DSTYK: variants seen among roughly 807,000 people sequenced by gnomAD.
DSTYK encodes dual serine/threonine and tyrosine protein kinase, also known as RIP-homologous kinase.
A neutral mutation model predicts 98.7 loss-of-function variants in DSTYK; 34 were observed. The observed-to-expected ratio is 0.34, with a 90% CI of 0.26 to 0.46. The LOEUF is 0.46. DSTYK is among the 20% of genes least tolerant of loss of function. The pLI, the probability that DSTYK is intolerant of heterozygous loss-of-function variation, is 1.00. For missense variants in DSTYK, 962 were observed against 1,181.7 expected (o/e 0.81, Z 2.73); for synonymous variants, 462 against 457.3 (o/e 1.01, Z -0.13).
intron 11 of DSTYK, among the ~76,000 whole-genome samples, chr1:205,149,006 G>T (rs1036656060): frequency 4.6e-5 from 7 of 151,252 alleles, no homozygotes; most frequent in African/African-American, 1.7e-4. Context: ...GGGTTCAAGC[G>T]ATTCTCCTGC....
chr1:205,156,831 T>C (rs1014817211), intron 10 of DSTYK, among the ~76,000 whole-genome samples: 9 of 152,162 alleles, frequency 5.9e-5, no homozygotes, highest in Admixed American at 2.6e-4. Flanking sequence ...AAATCTCATC[T>C]TGAATTGTAG....
intron 3 of DSTYK, among the ~76,000 whole-genome samples, 199 bp from the exon 4 acceptor site, chr1:205,164,154 TGAG>T (rs1657817396): frequency 6.6e-6 from 1 of 152,158 alleles, no homozygotes; most frequent in Non-Finnish European, 1.5e-5. Context: ...GCTAAGATCC[TGAG>T]AAGAAGCAAT....
chr1:205,185,026 C>T (rs1204214583), intron 2 of DSTYK, among the ~76,000 whole-genome samples: 1 of 152,036 alleles, frequency 6.6e-6, no homozygotes, highest in East Asian at 1.9e-4. Context: ...CATGGCGAAA[C>T]CCCATCTCTA....
Position 205,161,312 on chromosome 1 carries a change from G to A in DSTYK, c.1894C>T (p.Arg632Cys), listed in dbSNP as rs767625627. ...WLRVRKDHAPRLARLSLESCS... is the reference protein window; with the variant it reads ...WLRVRKDHAPCLARLSLESCS... The stretch of plus-strand genomic sequence containing the variant: ...CTTTCCAGAGAAAGGCGGGCCAGGC[G>A]GGGAGCATGATCTTTCCGAACCCTC... Residue 632 changes from arginine to cysteine, a missense_variant, in exon 7 of 13, where the codon CGC becomes TGC. Arg to Cys is a radical substitution (Grantham distance 180, BLOSUM62 -3). Around this residue, in one of 4 missense-constraint regions of DSTYK, gnomAD observed 660 missense variants for 855.0 expected, o/e 0.77. Coordinates refer to ENST00000367162, the MANE Select transcript of DSTYK (RefSeq NM_015375.3). The A allele has an allele frequency of 3.2e-5, 51 of 1,613,908 alleles. No individual in the cohort carries two copies. Among genetic ancestry groups the A allele is most frequent in the Non-Finnish European group, 4.2e-5 (49 of 1,179,906 alleles).
chr1:205,190,615 CAA>C (rs760042971), intron 1 of DSTYK, among the ~76,000 whole-genome samples: 2 of 71,908 alleles, frequency 2.8e-5, no homozygotes, highest in Non-Finnish European at 4.9e-5. Context: ...GACTCCATCT[CAA>C]AAAAAAAAAA....
At chr1:205,152,225 TG>T (rs1400828357) in intron 10 of DSTYK, among the ~76,000 whole-genome samples, 1 of 152,246 alleles carries the variant, frequency 6.6e-6, no homozygotes, top group Non-Finnish European at 1.5e-5. Flanking sequence ...TTGCCTAGGC[TG>T]GAGTGCAATG....
At chr1:205,175,855 G>T (rs1228485347) in intron 2 of DSTYK, among the ~76,000 whole-genome samples, 3 of 152,086 alleles carry the variant, frequency 2.0e-5, no homozygotes, top group Admixed American at 2.0e-4. Flanking sequence ...AACATGGAAT[G>T]AATTAATGAA....
At chr1:205,180,448 C>CT (rs947364638) in intron 2 of DSTYK, among the ~76,000 whole-genome samples, 1 of 152,062 alleles carries the variant, frequency 6.6e-6, no homozygotes, top group Admixed American at 6.6e-5. Context: ...TGAACTCATT[C>CT]TTTTTTATGG....
chr1:205,149,948 G>T (rs1307046856), intron 11 of DSTYK, among the ~76,000 whole-genome samples: 1 of 152,162 alleles, frequency 6.6e-6, no homozygotes, highest in Non-Finnish European at 1.5e-5. Flanking sequence ...TATGGAGACA[G>T]AAAGTCCTAG....
rs200440178 is a variant in DSTYK at position 205,159,087 on chromosome 1, ATT to A, written c.2238+458_2238+459del. ...AATAGGTTCTGATAAATCTTTAAAA[ATT>A]TTTTTTTTTTATTTTTAGAGATAGG... On this transcript the variant is annotated intron_variant, in intron 9 of 12. Coordinates refer to ENST00000367162, the MANE Select transcript of DSTYK (RefSeq NM_015375.3). Among the ~76,000 whole-genome samples, 1,261 of 149,920 alleles carry A rather than the reference ATT, an allele frequency of 8.4e-3. 19 individuals are homozygous for A. The highest frequency in any genetic ancestry group is 0.03 in the African/African-American group (1,209 of 40,824).
intron 11 of DSTYK, among the ~76,000 whole-genome samples, chr1:205,148,667 A>G (rs1322608207): frequency 6.6e-6 from 1 of 152,202 alleles, no homozygotes; most frequent in African/African-American, 2.4e-5. Flanking sequence ...AGTTGGAAAT[A>G]CAGGTGGGTA....
rs1424694560 is a variant in DSTYK at position 205,203,320 on chromosome 1, C to CA, written c.265+7950dup. Among the ~76,000 whole-genome samples, 942 of 132,880 alleles carry CA rather than the reference C, an allele frequency of 7.1e-3. 6 individuals carry two copies. Among genetic ancestry groups the CA allele is most frequent in the African/African-American group, 0.02 (711 of 36,092 alleles). The allele number at this position is 132,880 out of a possible 152,430, so 87.2% of individuals were successfully genotyped here. A position where few individuals can be genotyped will look rare whatever the true frequency, so the allele number is the denominator to read the frequency against. ...CAAAACGGTGAAACCCCGTCTCTAC[C>CA]AAAAAAAAAAAATAGCCAGGTGTGG... On this transcript the variant is annotated intron_variant, in intron 1 of 12. Coordinates refer to ENST00000367162, the MANE Select transcript of DSTYK (RefSeq NM_015375.3).
intron 9 of DSTYK, among the ~76,000 whole-genome samples, chr1:205,157,755 C>CT (rs1165492870): frequency 1.6e-5 from 2 of 123,340 alleles, no homozygotes; most frequent in African/African-American, 5.5e-5. Flanking sequence ...GAGCAAGACT[C>CT]TGTCTCAAAA....
intron 3 of DSTYK, among the ~76,000 whole-genome samples, chr1:205,168,009 G>C (rs1657939340): frequency 6.6e-6 from 1 of 152,330 alleles, no homozygotes; most frequent in South Asian, 2.1e-4. Flanking sequence ...GGGAGGCTGA[G>C]GCAGGGGAAT....
intron 1 of DSTYK, among the ~76,000 whole-genome samples, chr1:205,203,209 A>T (rs541756465): frequency 5.0e-4 from 76 of 151,794 alleles, no homozygotes; most frequent in Non-Finnish European, 1.0e-3. Context: ...CAGGATGGGC[A>T]TGGGAGCTCA....
At chr1:205,170,596 A>G (rs1207670428) in intron 2 of DSTYK, among the ~76,000 whole-genome samples, 2 of 152,178 alleles carry the variant, frequency 1.3e-5, no homozygotes, top group Non-Finnish European at 2.9e-5. Context: ...TCCTGTTCTG[A>G]GTCTGTAGAT....
chr1:205,202,836 A>T, intron 1 of DSTYK: 1 of 463,106 alleles, frequency 2.2e-6, no homozygotes, highest in South Asian at 2.6e-5. Context: ...AGCAGAGCCT[A>T]TATTAACTGA....
chr1:205,202,649 A>G (rs1659077398), intron 1 of DSTYK: 6 of 1,201,070 alleles, frequency 5.0e-6, no homozygotes, highest in Admixed American at 1.7e-5. Context: ...ACTGAAAAGG[A>G]ACAGATTGTT....
intron 9 of DSTYK, among the ~76,000 whole-genome samples, chr1:205,157,778 G>T (rs973282356): frequency 4.5e-5 from 6 of 133,540 alleles, no homozygotes; most frequent in African/African-American, 1.0e-4. Flanking sequence ...AAAAAAAAAA[G>T]GTTGGGGGAG....
Sources: gnomAD v4.1 joint callset for allele counts (sites outside exome capture counted in the v4.1 genomes callset) on GRCh38, gnomAD v4.1.1 for gene constraint, gnomAD v4.1.1 regional missense constraint, MANE v1.5 for transcripts, NCBI Gene and HGNC (gene_info 2026-07-23, HGNC 2026-07-21) for gene names.